WDR49: variants seen among roughly 807,000 people sequenced by gnomAD.
WDR49 encodes WD repeat domain 49.
Under a neutral mutation model 119.5 loss-of-function variants are expected in WDR49, and 107 were observed. The observed-to-expected ratio is 0.90, with a 90% confidence interval of 0.77 to 1.05. The LOEUF (loss-of-function observed/expected upper bound fraction) is 1.05, where lower values mean the gene tolerates loss of function less well. WDR49 is among the 50% of genes least tolerant of loss of function. The probability of loss-of-function intolerance (pLI) is 0.00; values close to 1 mark genes in which losing one functional copy is unlikely to be tolerated. For synonymous variants in WDR49, 425 were observed against 418.8 expected, an observed-to-expected ratio of 1.01 and a Z score of -0.18; for missense variants, 1,240 against 1,220.5, an observed-to-expected ratio of 1.02 and a Z score of -0.24.
intron 2 of WDR49, among the ~76,000 whole-genome samples, chr3:167,634,521 C>T (rs1207375766): frequency 6.6e-6 from 1 of 151,786 alleles, no homozygotes; most frequent in Non-Finnish European, 1.5e-5. Flanking sequence ...TTCCTTTTGC[C>T]TAAAAAGCAT....
chr3:167,611,717 C>T (rs74845192), intron 5 of WDR49, among the ~76,000 whole-genome samples: 3,471 of 151,982 alleles, frequency 0.023, 123 homozygotes, highest in African/African-American at 0.076. Context: ...GATTTCGAGA[C>T]AAAAACTATA....
At chr3:167,566,136 C>G (rs1037870449) in intron 8 of WDR49, among the ~76,000 whole-genome samples, 1 of 152,122 alleles carries the variant, frequency 6.6e-6, no homozygotes, top group African/African-American at 2.4e-5. Context: ...GGAAATGGTC[C>G]TCTCCTACGC....
intron 2 of WDR49, among the ~76,000 whole-genome samples, chr3:167,636,784 A>G (rs1303694029): frequency 6.6e-6 from 1 of 151,814 alleles, no homozygotes; most frequent in African/African-American, 2.4e-5. Flanking sequence ...AGCCATTTGT[A>G]TATCTTCTTT....
intron 5 of WDR49, among the ~76,000 whole-genome samples, chr3:167,616,172 T>C (rs111236898): frequency 1.3e-5 from 2 of 152,274 alleles, no homozygotes; most frequent in African/African-American, 2.4e-5. Flanking sequence ...CTCCTATCCT[T>C]GCAGCTGGTA....
intron 7 of WDR49, among the ~76,000 whole-genome samples, chr3:167,590,286 T>A (rs1715040817): frequency 6.6e-6 from 1 of 152,090 alleles, no homozygotes; most frequent in African/African-American, 2.4e-5. Context: ...TTTAAATGTG[T>A]TGTTGAATTT....
At chr3:167,634,613 G>C (rs1265553984) in intron 2 of WDR49, among the ~76,000 whole-genome samples, 2 of 151,718 alleles carry the variant, frequency 1.3e-5, no homozygotes, top group African/African-American at 2.4e-5. Context: ...TTAGCTCTGA[G>C]CTTTGTAAGA....
At chr3:167,649,970 G>A (rs1348736613) in intron 2 of WDR49, among the ~76,000 whole-genome samples, 1 of 152,154 alleles carries the variant, frequency 6.6e-6, no homozygotes, top group Non-Finnish European at 1.5e-5. Flanking sequence ...GAGCCCAGGA[G>A]CACAGGGCAA....
chr3:167,505,438 T>A, intron 16 of WDR49, 22 bp from the exon 17 acceptor site: 1 of 1,505,508 alleles, frequency 6.6e-7, no homozygotes, highest in Non-Finnish European at 8.8e-7. Context: ...TATTTCATGA[T>A]GAAATACATT....
intron 10 of WDR49, among the ~76,000 whole-genome samples, chr3:167,552,296 A>G (rs979535808): frequency 2.0e-5 from 3 of 152,148 alleles, no homozygotes; most frequent in South Asian, 4.1e-4. Context: ...CCCTGTAGCT[A>G]AAGTGAGCAG....
chr3:167,526,422 T>C (rs1162337789), intron 15 of WDR49, among the ~76,000 whole-genome samples: 1 of 152,120 alleles, frequency 6.6e-6, no homozygotes, highest in Non-Finnish European at 1.5e-5. Context: ...TACCTGTTGT[T>C]CAAACCTCCA....
intron 7 of WDR49, among the ~76,000 whole-genome samples, chr3:167,578,485 C>CTA (rs1346996798): frequency 6.6e-6 from 1 of 152,002 alleles, no homozygotes; most frequent in African/African-American, 2.4e-5. Context: ...TTTTATACAA[C>CTA]TATATCTAGT....
intron 10 of WDR49, among the ~76,000 whole-genome samples, chr3:167,543,489 C>T (rs886422425): frequency 1.3e-5 from 2 of 151,884 alleles, no homozygotes; most frequent in African/African-American, 4.8e-5. Context: ...GTTTAACACA[C>T]ACAAGTTAAT....
chr3:167,500,535 T>G (rs1217876135), intron 17 of WDR49, among the ~76,000 whole-genome samples: 1 of 152,216 alleles, frequency 6.6e-6, no homozygotes, highest in Non-Finnish European at 1.5e-5. Flanking sequence ...ATTCATTTTT[T>G]TTTATTTTGT....
intron 8 of WDR49, chr3:167,575,340 G>A (rs1714193180): frequency 1.0e-6 from 1 of 971,002 alleles, no homozygotes; most frequent in African/African-American, 1.8e-5. Context: ...TCTTCATTGA[G>A]ATGCAGGTAG....
chr3:167,657,184 TA>T (rs1718625081), upstream of WDR49, among the ~76,000 whole-genome samples: 1 of 152,218 alleles, frequency 6.6e-6, no homozygotes, highest in Non-Finnish European at 1.5e-5. Flanking sequence ...CAAAGTAGGA[TA>T]CATATTATGA....
Position 167,651,594 on chromosome 3 carries a change from A to AT in WDR49, c.165+1666dup, listed in dbSNP as rs5854244. 2.5e-3 allele frequency among the ~76,000 whole-genome samples: 371 copies of AT among 147,578 alleles called. 11 individuals carry two copies. The East Asian group carries it at 0.038, about 15-fold the overall frequency. On this transcript the variant is annotated intron_variant, in intron 2 of 18. Transcript: ENST00000682715. ...GAGTCTGCTAAAATGGATGAACTTC[A>AT]TTTTTTTTTTTTGAAGGTACACCTG... is the stretch of plus-strand genomic sequence containing the variant.
intron 7 of WDR49, among the ~76,000 whole-genome samples, chr3:167,583,587 G>A (rs897383167): frequency 1.3e-5 from 2 of 152,040 alleles, no homozygotes; most frequent in Non-Finnish European, 2.9e-5. Flanking sequence ...GGCCTTCAGG[G>A]AGTAAGAAGT....
rs372398450 is a variant in WDR49, at chr3:167,592,437, C to CTT, written c.1275+9688_1275+9689dup. 2.7e-3 allele frequency among the ~76,000 whole-genome samples: 354 copies of CTT among 133,342 alleles called. 3 individuals are homozygous for CTT. Among genetic ancestry groups the CTT allele is most frequent in the African/African-American group, 8.9e-3 (322 of 35,986 alleles). 87.5% of individuals were successfully genotyped at this position (133,342 alleles called of 152,430 possible). A position where few individuals can be genotyped will look rare whatever the true frequency, so the allele number is the denominator to read the frequency against. ...CGTTAGATGATTTCTTTTTCTTTTT[C>CTT]TTTTTTTTTTTTTTTTGAGATGGAG... On this transcript the variant is annotated intron_variant, in intron 7 of 18. Coordinates refer to ENST00000682715, the MANE Select transcript of WDR49 (RefSeq NM_001366157.1).
chr3:167,578,890 A>G (rs1286873374), intron 7 of WDR49, among the ~76,000 whole-genome samples: 1 of 152,174 alleles, frequency 6.6e-6, no homozygotes. Context: ...TCCTGTTTCC[A>G]AAAATATATT....
Sources: allele counts gnomAD v4.1 joint callset (sites outside exome capture counted in the v4.1 genomes callset), GRCh38; gene constraint gnomAD v4.1.1; transcripts MANE v1.5; gene names NCBI Gene and HGNC (gene_info 2026-07-23, HGNC 2026-07-21).